LIPG: variants seen among roughly 807,000 people sequenced by gnomAD.
LIPG encodes the protein lipase G, endothelial type.
Under a neutral mutation model 51.8 loss-of-function variants are expected in LIPG, and 34 were observed. That is an observed-to-expected ratio of 0.66 (90% CI 0.50 to 0.87). LIPG has a LOEUF of 0.87. LIPG is among the 40% of genes least tolerant of loss of function. The pLI, the probability that LIPG is intolerant of heterozygous loss-of-function variation, is 0.00. For missense variants in LIPG, 580 were observed against 652.7 expected (o/e 0.89, Z 1.21); for synonymous variants, 246 against 246.1 (o/e 1.00, Z 0.00).
At chr18:49,561,923 CCA>C (rs1320562393), upstream of LIPG, 14 of 1,334,540 alleles carry the variant, frequency 1.0e-5, no homozygotes, top group Admixed American at 3.5e-5. Flanking sequence ...CAAACTTTCT[CCA>C]GTCTCGGTTC....
Position 49,569,868 on chromosome 18 carries a change from C to G in LIPG, c.571+320C>G, listed in dbSNP as rs527549878. On this transcript the variant is annotated intron_variant, in intron 4 of 9. Transcript: ENST00000261292. ...TAGGCATCTCAGAGTCTCAGAGCACCAGGGAACACAGTTTGAAAACCATAG... is the reference window on the plus strand; with the variant it reads ...TAGGCATCTCAGAGTCTCAGAGCACGAGGGAACACAGTTTGAAAACCATAG... 1.9e-3 allele frequency among the ~76,000 whole-genome samples: 285 copies of G among 152,240 alleles called. 1 individual carries two copies. Among genetic ancestry groups the G allele is most frequent in the Non-Finnish European group, 3.3e-3 (223 of 68,016 alleles).
At position 49,565,378 on chromosome 18, in the gene LIPG, C is replaced by T; in HGVS notation, c.159C>T (p.Leu53=). 6.2e-7 allele frequency: 1 copy of T among 1,614,226 alleles called. No individual in the cohort carries two copies. Among genetic ancestry groups the T allele is most frequent in the Non-Finnish European group, 8.5e-7 (1 of 1,180,034 alleles). The change falls in exon 2 of 10, where the codon CTC becomes CTT. Residue 53 remains leucine (L), a synonymous_variant. Coordinates refer to ENST00000261292, the MANE Select transcript of LIPG (RefSeq NM_006033.4). ...TCAAACCATCTGTGAGGTTTAACCTCCGCACCTCCAAGGACCCAGAGCATG... is the reference window on the plus strand; with the variant it reads ...TCAAACCATCTGTGAGGTTTAACCTTCGCACCTCCAAGGACCCAGAGCATG... ...TEVKPSVRFN[L]RTSKDPEHEG... is the part of the protein sequence containing the mutation.
intron 9 of LIPG, chr18:49,590,173 TTGTGTGTGTGTGTGTGTG>T (rs57137391): frequency 1.3e-5 from 5 of 371,852 alleles, no homozygotes; most frequent in South Asian, 2.4e-5. Flanking sequence ...GTGTCCATGA[TTGTGTGTGTGTGTGTGTG>T]TGTGTGTGTG....
Position 49,569,551 on chromosome 18 carries a change from G to A in LIPG, c.571+3G>A, listed in dbSNP as rs1179599583. 1 of 1,611,062 alleles carries A rather than the reference G, an allele frequency of 6.2e-7. No individual in the cohort carries two copies. ...AGGAACGGTGGGCCGAATCACAGGTGAGCTCCACTTCCATCACTAAAGGGC... is the reference window on the plus strand; with the variant it reads ...AGGAACGGTGGGCCGAATCACAGGTAAGCTCCACTTCCATCACTAAAGGGC... On this transcript the variant is annotated splice_donor_region_variant and intron_variant, in intron 4 of 9. Coordinates refer to ENST00000261292, the MANE Select transcript of LIPG (RefSeq NM_006033.4).
intron 9 of LIPG, 145 bp downstream of exon 9, chr18:49,586,995 G>A (rs757154532): frequency 1.8e-5 from 12 of 667,660 alleles, no homozygotes; most frequent in African/African-American, 7.1e-5. Context: ...TGGGCCGGGC[G>A]TGGTGGCTCA....
intron 3 of LIPG, among the ~76,000 whole-genome samples, chr18:49,568,612 C>T (rs552687672): frequency 1.3e-5 from 2 of 151,768 alleles, no homozygotes; most frequent in South Asian, 2.1e-4. Flanking sequence ...AACTCCTGAC[C>T]TCAGGTGATC....
intron 9 of LIPG, among the ~76,000 whole-genome samples, chr18:49,588,636 T>C (rs2084909691): frequency 6.6e-6 from 1 of 152,108 alleles, no homozygotes; most frequent in Non-Finnish European, 1.5e-5. Flanking sequence ...GAAATGCCCA[T>C]GTATGTGGAG....
Position 49,583,574 on chromosome 18 carries a change from G to A in LIPG, c.1176G>A (p.Gln392=), listed in dbSNP as rs2084847823. 4.3e-6 allele frequency: 7 copies of A among 1,614,090 alleles called. No individual in the cohort carries two copies. Among genetic ancestry groups the A allele is most frequent in the African/African-American group, 1.3e-5 (1 of 75,024 alleles). ...CTTGTAGAGTGGAGCGGATCGAGCA[G>A]AATGCCACCAACACCTTCCTGGTCT... The part of the protein sequence containing the change: ...LPLEIVERIE[Q]NATNTFLVYT... Residue 392 remains glutamine, a synonymous_variant, in exon 8 of 10, where the codon CAG becomes CAA. Transcript: ENST00000261292.
rs1392730282 is a variant in LIPG, at chr18:49,565,286, G to A, written c.98-31G>A. The A allele has an allele frequency of 1.9e-6, 3 of 1,611,026 alleles. No individual in the cohort carries two copies. In the African/African-American group the frequency reaches 4.0e-5, roughly 22 times the overall value. ...GGTCTCTCACTCCGCAAGTCTGCTA[G>A]ATGCACCCACGCTCTGTTCTGTCTC... On this transcript the variant is annotated intron_variant, in intron 1 of 9. Transcript: ENST00000261292.
chr18:49,577,682 G>T (rs2084737120), intron 5 of LIPG, among the ~76,000 whole-genome samples: 1 of 97,122 alleles, frequency 1.0e-5, no homozygotes, highest in South Asian at 3.5e-4. Context: ...CGGCACGGCT[G>T]GCCAGGCGGG....
chr18:49,592,299 C>T lies in LIPG; in HGVS notation c.*1777C>T, dbSNP rs1400707639. On this transcript the variant is annotated 3_prime_UTR_variant, in exon 10 of 10. Coordinates refer to ENST00000261292, the MANE Select transcript of LIPG (RefSeq NM_006033.4). ...CTTTCTAGCCAAAGCGAAGCTTGTA[C>T]AGGTTGAGTATCCCTTATCCAAAAT... 1 of 152,210 alleles carries T rather than the reference C, an allele frequency of 6.6e-6. No individual in the cohort carries two copies. The allele number at this position is 152,210 out of a possible 1,614,324, so 9.4% of individuals were successfully genotyped here. A position where few individuals can be genotyped will look rare whatever the true frequency, so the allele number is the denominator to read the frequency against.
At chr18:49,567,306 C>A in intron 2 of LIPG, 136 bp from the exon 3 acceptor site, 1 of 838,206 alleles carries the variant, frequency 1.2e-6, no homozygotes, top group Non-Finnish European at 1.9e-6. Context: ...CAGTGCACTC[C>A]AGCCTGGGCA....
rs371235806 is a variant in LIPG, at chr18:49,569,463, T to C, written c.486T>C (p.Asn162=). ...LQEKDDFSLG[N]VHLIGYSLGA... is the part of the protein sequence containing the mutation. ...AGAAGGACGATTTTTCTCTCGGGAATGTCCACTTGATCGGCTACAGCCTCG... is the reference window on the plus strand; with the variant it reads ...AGAAGGACGATTTTTCTCTCGGGAACGTCCACTTGATCGGCTACAGCCTCG... Residue 162 remains asparagine (N), a synonymous_variant, in exon 4 of 10, where the codon AAT becomes AAC. Coordinates refer to ENST00000261292, the MANE Select transcript of LIPG (RefSeq NM_006033.4). 6.2e-7 allele frequency: 1 copy of C among 1,614,234 alleles called. No homozygotes were observed. Among genetic ancestry groups the C allele is most frequent in the South Asian group, 1.1e-5 (1 of 91,084 alleles).
chr18:49,579,773 CTTTTCTTTTCTTTTCTTTTCTTTTCT>C (rs2084796128), intron 5 of LIPG, among the ~76,000 whole-genome samples: 2 of 63,474 alleles, frequency 3.2e-5, no homozygotes, highest in African/African-American at 1.1e-4. Context: ...CCTTTCTTTT[CTTTTCTTTTCTTTTCTTTTCTTTTCT>C]TTTCTTTTCT....
intron 5 of LIPG, among the ~76,000 whole-genome samples, chr18:49,579,768 CTTTT>C (rs1195674478): frequency 0.055 from 2,688 of 48,636 alleles, 153 homozygotes; most frequent in South Asian, 0.16. Flanking sequence ...CCTTTCCTTT[CTTTT>C]CTTTTCTTTT....
intron 9 of LIPG, among the ~76,000 whole-genome samples, chr18:49,587,841 G>T (rs11875229): frequency 6.6e-6 from 1 of 151,472 alleles, no homozygotes; most frequent in Non-Finnish European, 1.5e-5. Context: ...AGGCTGGAGC[G>T]CAGTGGCATG....
rs1188552276 is a variant in LIPG at position 49,567,547 on chromosome 18, C to G, written c.385C>G (p.Gln129Glu). The change falls in exon 3 of 10, where the codon CAG becomes GAG. Residue 129 changes from glutamine (Q) to glutamate (E), a missense_variant. Physicochemically the swap from Gln to Glu is conservative, Grantham distance 29. Coordinates refer to ENST00000261292, the MANE Select transcript of LIPG (RefSeq NM_006033.4). ...VVVDWLPLAH[Q>E]LYTDAVNNTR... ...GGTTGACTGGCTCCCCCTGGCCCAC[C>G]AGCTTTACACGGATGCGGTCAATAA... 1 of 1,614,116 alleles carries G rather than the reference C, an allele frequency of 6.2e-7. No homozygotes were observed. The highest frequency in any genetic ancestry group is 2.2e-5 in the East Asian group (1 of 44,862).
In LIPG at chr18:49,590,504, C is replaced by T; in HGVS notation, c.1485C>T (p.Pro495=). Residue 495 remains proline (P), a synonymous_variant, in exon 10 of 10, where the codon CCC becomes CCT. Transcript: ENST00000261292. The part of the protein sequence containing the change: ...DGWRMKNETS[P]TVELP ...ACTCTCACACGGTTTCTTTCAGTCC[C>T]ACTGTGGAGCTTCCCTGAGGGTGCC... The T allele has an allele frequency of 2.5e-6, 4 of 1,602,684 alleles. No homozygotes were observed. The highest frequency in any genetic ancestry group is 2.6e-6 in the Non-Finnish European group (3 of 1,173,480).
At position 49,569,353 on chromosome 18, in the gene LIPG, C is replaced by T. The variant is rs575238896; in HGVS notation, c.460-84C>T. ...ACGGCCCCTGCATCTCCTCCTGCTC[C>T]GTGACTGAGTTGTTGAACTGCTGGT... On this transcript the variant is annotated intron_variant, in intron 3 of 9. Coordinates refer to ENST00000261292, the MANE Select transcript of LIPG (RefSeq NM_006033.4). 4.5e-5 allele frequency: 52 copies of T among 1,155,480 alleles called. 1 individual carries two copies. The highest frequency in any genetic ancestry group is 1.7e-4 in the African/African-American group (11 of 66,146). 71.6% of individuals were successfully genotyped at this position (1,155,480 alleles called of 1,614,324 possible).
Sources: gnomAD v4.1 joint callset for allele counts (sites outside exome capture counted in the v4.1 genomes callset) on GRCh38, gnomAD v4.1.1 for gene constraint, MANE v1.5 for transcripts, NCBI Gene and HGNC (gene_info 2026-07-23, HGNC 2026-07-21) for gene names.